ARHGAP26: variants seen among roughly 807,000 people sequenced by gnomAD.
The protein encoded by ARHGAP26 is Rho GTPase activating protein 26, also known as rho GTPase-activating protein 26.
A neutral mutation model predicts 104.8 loss-of-function variants in ARHGAP26; 38 were observed. The ratio of observed to expected loss-of-function variants is 0.36; its 90% confidence interval spans 0.28 to 0.48. The LOEUF (loss-of-function observed/expected upper bound fraction) is 0.48, where lower values mean the gene tolerates loss of function less well. Ranked by LOEUF, ARHGAP26 falls within the 20% of genes least tolerant of loss-of-function variation. ARHGAP26 has a pLI of 0.99. For missense variants in ARHGAP26, 704 were observed against 947.9 expected (o/e 0.74, Z 3.38); for synonymous variants, 341 against 340.0 (o/e 1.00, Z -0.03).
rs1767641310 is a variant in ARHGAP26 at position 142,949,164 on chromosome 5, C to CGAGAGAGAGA, written c.1107+17039_1107+17040insGAGAGAGAGA. Among the ~76,000 whole-genome samples, 4 of 40,602 alleles carry CGAGAGAGAGA rather than the reference C, an allele frequency of 9.9e-5. 1 individual carries two copies. The East Asian group carries it at 4.2e-3, about 42-fold the overall frequency. The allele number at this position is 40,602 out of a possible 152,430, so 26.6% of individuals were successfully genotyped here. On this transcript the variant is annotated intron_variant, in intron 11 of 22. Coordinates refer to ENST00000645722, the MANE Select transcript of ARHGAP26 (RefSeq NM_001135608.3). ...CTGCTGAAGTTTTATAGTTGAATTTCCAGAGAGAGAGAGAGAGAGAGAGAG... is the reference window on the plus strand; with the variant it reads ...CTGCTGAAGTTTTATAGTTGAATTTCGAGAGAGAGACAGAGAGAGAGAGAGAGAGAGAGAG...
intron 20 of ARHGAP26, among the ~76,000 whole-genome samples, chr5:143,189,606 A>T (rs1278670001): frequency 2.0e-5 from 3 of 152,208 alleles, no homozygotes; most frequent in Non-Finnish European, 4.4e-5. Context: ...TATTATCAAA[A>T]AGCATGTACT....
At chr5:142,876,177 A>G (rs945708477) in intron 3 of ARHGAP26, among the ~76,000 whole-genome samples, 3 of 152,154 alleles carry the variant, frequency 2.0e-5, no homozygotes, top group African/African-American at 7.2e-5. Flanking sequence ...CTGCCTGTAC[A>G]CTGATTTTCT....
intron 10 of ARHGAP26, among the ~76,000 whole-genome samples, chr5:142,926,072 G>A (rs567730871): frequency 6.6e-6 from 1 of 152,254 alleles, no homozygotes; most frequent in South Asian, 2.1e-4. Context: ...CCTGGAATTG[G>A]GGCTGGTTGT....
intron 11 of ARHGAP26, among the ~76,000 whole-genome samples, chr5:142,964,119 A>G (rs149163023): frequency 1.7e-3 from 254 of 152,334 alleles, no homozygotes; most frequent in African/African-American, 6.0e-3. Context: ...GTCTGTTTCT[A>G]TATAGGATAC....
chr5:143,201,835 T>G (rs1021784358), intron 20 of ARHGAP26, among the ~76,000 whole-genome samples: 1 of 152,216 alleles, frequency 6.6e-6, no homozygotes, highest in Non-Finnish European at 1.5e-5. Flanking sequence ...TTGATAGGAT[T>G]ATTGCCATGA....
At chr5:142,817,087 T>C (rs547261747) in intron 1 of ARHGAP26, among the ~76,000 whole-genome samples, 27 of 152,284 alleles carry the variant, frequency 1.8e-4, no homozygotes, top group Non-Finnish European at 1.5e-5. Flanking sequence ...TCTGAGACTT[T>C]AATGATTCTT....
chr5:142,990,795 A>C (rs541207508), intron 11 of ARHGAP26, among the ~76,000 whole-genome samples: 1 of 152,284 alleles, frequency 6.6e-6, no homozygotes, highest in South Asian at 2.1e-4. Flanking sequence ...CAGAACAGCA[A>C]ATGTTGCTTC....
intron 1 of ARHGAP26, among the ~76,000 whole-genome samples, chr5:142,820,228 C>T (rs923997117): frequency 2.0e-5 from 3 of 152,128 alleles, no homozygotes; most frequent in African/African-American, 7.2e-5. Flanking sequence ...GAGACCCCAA[C>T]GTTGAGAATT....
intron 1 of ARHGAP26, 56 bp from the exon 2 acceptor site, chr5:142,873,344 C>G: frequency 7.2e-7 from 1 of 1,397,882 alleles, no homozygotes; most frequent in South Asian, 1.2e-5. Flanking sequence ...GGCAGCAAAT[C>G]AGAAAGCCAG....
At chr5:142,822,420 T>TA (rs1033754198) in intron 1 of ARHGAP26, among the ~76,000 whole-genome samples, 4 of 152,186 alleles carry the variant, frequency 2.6e-5, no homozygotes, top group African/African-American at 9.7e-5. Context: ...TGCTGAACTT[T>TA]AGCTCACTGT....
intron 11 of ARHGAP26, among the ~76,000 whole-genome samples, chr5:142,943,399 G>A (rs747720204): frequency 1.3e-5 from 2 of 152,098 alleles, no homozygotes; most frequent in South Asian, 2.1e-4. Flanking sequence ...ATCAAATTTG[G>A]TGTCTAGTTA....
chr5:142,921,065 A>G (rs1186474434), intron 10 of ARHGAP26, among the ~76,000 whole-genome samples: 1 of 152,234 alleles, frequency 6.6e-6, no homozygotes, highest in Non-Finnish European at 1.5e-5. Flanking sequence ...TTTCTTTCAT[A>G]CCAGTTCCAA....
At chr5:142,980,186 A>G (rs978354600) in intron 11 of ARHGAP26, among the ~76,000 whole-genome samples, 4 of 152,136 alleles carry the variant, frequency 2.6e-5, no homozygotes, top group African/African-American at 9.7e-5. Context: ...CCTTTTATGC[A>G]GTATAATACC....
At chr5:142,840,252 G>C (rs1022010331) in intron 1 of ARHGAP26, among the ~76,000 whole-genome samples, 3 of 152,204 alleles carry the variant, frequency 2.0e-5, no homozygotes, top group African/African-American at 7.2e-5. Flanking sequence ...AACTTAAACA[G>C]TTTTTGGGTG....
chr5:142,851,096 AT>A (rs570143559), intron 1 of ARHGAP26, among the ~76,000 whole-genome samples: 3,017 of 143,286 alleles, frequency 0.021, 80 homozygotes, highest in African/African-American at 0.066. Context: ...TGGAAAATAC[AT>A]TTTTTTTTTT....
intron 11 of ARHGAP26, 99 bp downstream of exon 11, chr5:142,932,224 G>T: frequency 8.7e-7 from 1 of 1,145,842 alleles, no homozygotes; most frequent in Non-Finnish European, 1.3e-6. Context: ...AAAGCCTTGG[G>T]TTCTTGAAAC....
At chr5:143,050,997 A>G (rs1214338930) in intron 14 of ARHGAP26, among the ~76,000 whole-genome samples, 1 of 152,222 alleles carries the variant, frequency 6.6e-6, no homozygotes, top group African/African-American at 2.4e-5. Context: ...AGGGACTGTT[A>G]GAGATAGGAA....
At chr5:142,920,875 CAA>C (rs1292077190) in intron 10 of ARHGAP26, among the ~76,000 whole-genome samples, 1 of 152,212 alleles carries the variant, frequency 6.6e-6, no homozygotes, top group Non-Finnish European at 1.5e-5. Flanking sequence ...AAGTAACAAA[CAA>C]GAGGACTTTA....
intron 11 of ARHGAP26, among the ~76,000 whole-genome samples, chr5:142,985,172 C>CA (rs890524483): frequency 3.3e-5 from 5 of 151,384 alleles, no homozygotes; most frequent in South Asian, 2.1e-4. Context: ...ATAATAAATA[C>CA]AAAAAAAACT....
Sources: gnomAD v4.1 joint callset for allele counts (sites outside exome capture counted in the v4.1 genomes callset) on GRCh38, gnomAD v4.1.1 for gene constraint, MANE v1.5 for transcripts, NCBI Gene and HGNC (gene_info 2026-07-23, HGNC 2026-07-21) for gene names.